The following TTC6 variants were observed in gnomAD, a reference collection of about 807,000 sequenced individuals.
TTC6 encodes tetratricopeptide repeat domain 6, also known as tetratricopeptide repeat protein 6.
TTC6 carries 172 observed loss-of-function variants against 210.4 expected under a neutral mutation model. The observed-to-expected ratio is 0.82, with a 90% CI of 0.72 to 0.93. TTC6 has a LOEUF of 0.93. Among genes scored for constraint, TTC6 ranks in the 40% least tolerant of loss-of-function variants. The probability of loss-of-function intolerance (pLI) is 0.00; values close to 1 mark genes in which losing one functional copy is unlikely to be tolerated. For synonymous variants in TTC6, 804 were observed against 819.6 expected (o/e 0.98, Z 0.32); for missense variants, 2,414 against 2,318.1 (o/e 1.04, Z -0.85).
intron 29 of TTC6, among the ~76,000 whole-genome samples, chr14:37,833,049 T>G (rs1248953583): frequency 3.5e-5 from 2 of 56,390 alleles, no homozygotes; most frequent in African/African-American, 1.4e-4. Flanking sequence ...AGAGTGAGAC[T>G]CCATCAAAAA....
At chr14:37,762,950 T>C (rs1466585123) in intron 14 of TTC6, among the ~76,000 whole-genome samples, 1 of 149,582 alleles carries the variant, frequency 6.7e-6, no homozygotes, top group East Asian at 2.0e-4. Context: ...AGTGGTGCCA[T>C]CTGGGCTCAC....
rs1355867991 is a variant in TTC6, at chr14:37,664,890, T to C, written c.940-15261T>C. Among the ~76,000 whole-genome samples, 4 of 150,644 alleles carry C rather than the reference T, an allele frequency of 2.7e-5. 1 individual carries two copies. Among genetic ancestry groups the C allele is most frequent in the African/African-American group, 7.3e-5 (3 of 41,324 alleles). On this transcript the variant is annotated intron_variant, in intron 1 of 30. Transcript: ENST00000553443. Reference sequence around the variant, plus strand: ...GACATACTTGTGGCCAGCAAACTTATGGAAAAGAGCTCAACCTTACTGATT... The same window carrying C: ...GACATACTTGTGGCCAGCAAACTTACGGAAAAGAGCTCAACCTTACTGATT...
At chr14:37,804,306 G>A (rs2096113511) in intron 20 of TTC6, among the ~76,000 whole-genome samples, 1 of 151,800 alleles carries the variant, frequency 6.6e-6, no homozygotes. Context: ...TAGCTTCCCA[G>A]TATTCCATTC....
chr14:37,613,284 AAATAT>A (rs1182075674), intron 2 of TTC6, among the ~76,000 whole-genome samples: 3 of 152,132 alleles, frequency 2.0e-5, no homozygotes, highest in Non-Finnish European at 4.4e-5. Context: ...ATTTGCAAAT[AAATAT>A]AATAAAATCA....
At chr14:37,760,872 G>C (rs1425929858) in intron 14 of TTC6, among the ~76,000 whole-genome samples, 2 of 152,172 alleles carry the variant, frequency 1.3e-5, no homozygotes, top group Admixed American at 1.3e-4. Context: ...CCTGCACCAA[G>C]TTAGATCATC....
chr14:37,842,109 T>A, intron 30 of TTC6, 46 bp from the exon 33 acceptor site: 1 of 1,438,592 alleles, frequency 7.0e-7, no homozygotes, highest in Non-Finnish European at 9.1e-7. Flanking sequence ...AGAGACTATT[T>A]TTTGAGTGCC....
intron 1 of TTC6, among the ~76,000 whole-genome samples, chr14:37,675,750 C>CTTTTTTTTTTTTTTTTTTTTT (rs11295651): frequency 7.0e-6 from 1 of 142,662 alleles, no homozygotes; most frequent in African/African-American, 2.6e-5. Flanking sequence ...TTCTTTCTTT[C>CTTTTTTTTTTTTTTTTTTTTT]TTTTTTTTTT....
chr14:37,622,221 A>G (rs1417066139), exon 1 of TTC6: 2 of 1,535,464 alleles, frequency 1.3e-6, no homozygotes, highest in African/African-American at 1.4e-5. Flanking sequence ...CCCAGTCCAC[A>G]GCCTCCATGC....
chr14:37,663,527 T>C (rs1475214120), intron 1 of TTC6, among the ~76,000 whole-genome samples: 1 of 152,140 alleles, frequency 6.6e-6, no homozygotes, highest in East Asian at 1.9e-4. Context: ...TTATCAAGAT[T>C]TGTGAGTTAA....
intron 7 of TTC6, among the ~76,000 whole-genome samples, chr14:37,731,630 T>G (rs1160238223): frequency 6.6e-6 from 1 of 152,224 alleles, no homozygotes; most frequent in Non-Finnish European, 1.5e-5. Context: ...TGAAGGATTG[T>G]TAAACATTGT....
chr14:37,791,456 G>T (rs755515489), intron 16 of TTC6, among the ~76,000 whole-genome samples: 1 of 152,104 alleles, frequency 6.6e-6, no homozygotes, highest in Non-Finnish European at 1.5e-5. Flanking sequence ...GTGTCAGAAA[G>T]AGTAACTAAT....
At chr14:37,796,991 G>A in intron 20 of TTC6, 44 bp downstream of exon 22, 1 of 1,525,154 alleles carries the variant, frequency 6.6e-7, no homozygotes, top group Non-Finnish European at 8.8e-7. Context: ...TATTAATGAA[G>A]TGTATATATT....
chr14:37,708,397 TAAC>T (rs1431038180), intron 5 of TTC6, among the ~76,000 whole-genome samples: 2 of 152,094 alleles, frequency 1.3e-5, no homozygotes, highest in Non-Finnish European at 2.9e-5. Context: ...TTTGTATTAA[TAAC>T]AACTCTATGT....
Position 37,630,573 on chromosome 14 carries a change from A to T in TTC6, c.939+7570A>T, listed in dbSNP as rs550990684. On this transcript the variant is annotated intron_variant, in intron 1 of 30. Coordinates refer to ENST00000553443, the Ensembl canonical transcript of TTC6. Reference sequence around the variant, plus strand: ...TATATAGGTTTGATTTGGGGTGGAGAGTTCTGTAGATGTCTATTGGGTTTG... The same window carrying T: ...TATATAGGTTTGATTTGGGGTGGAGTGTTCTGTAGATGTCTATTGGGTTTG... 2.0e-5 allele frequency among the ~76,000 whole-genome samples: 3 copies of T among 152,140 alleles called. No individual in the cohort carries two copies. In the South Asian group the frequency reaches 6.2e-4, roughly 32 times the overall value.
At chr14:37,627,784 A>G (rs770677522) in intron 1 of TTC6, among the ~76,000 whole-genome samples, 2 of 145,980 alleles carry the variant, frequency 1.4e-5, no homozygotes, top group Non-Finnish European at 3.1e-5. Flanking sequence ...GTGTCTTTAT[A>G]GTAGAAGGAT....
chr14:37,832,313 T>C (rs2096187246), intron 29 of TTC6, among the ~76,000 whole-genome samples: 2 of 141,096 alleles, frequency 1.4e-5, no homozygotes, highest in African/African-American at 5.1e-5. Context: ...ATTTATTATT[T>C]TCTTTTTCTT....
intron 17 of TTC6, among the ~76,000 whole-genome samples, chr14:37,793,695 A>G (rs2096085782): frequency 6.6e-6 from 1 of 152,212 alleles, no homozygotes; most frequent in African/African-American, 2.4e-5. Flanking sequence ...CTGAGCACAT[A>G]GAGAAATGGA....
chr14:37,817,215 C>A (rs2096144155), intron 25 of TTC6, among the ~76,000 whole-genome samples: 1 of 152,168 alleles, frequency 6.6e-6, no homozygotes, highest in South Asian at 2.1e-4. Context: ...AGAGAAGTCT[C>A]CAGAGGAGTT....
intron 7 of TTC6, among the ~76,000 whole-genome samples, chr14:37,735,099 A>G (rs2095898004): frequency 6.6e-6 from 1 of 152,138 alleles, no homozygotes; most frequent in Non-Finnish European, 1.5e-5. Flanking sequence ...TGCTATCACT[A>G]CTTTCTGAAA....
Sources: allele counts gnomAD v4.1 joint callset (sites outside exome capture counted in the v4.1 genomes callset), GRCh38; gene constraint gnomAD v4.1.1; transcripts MANE v1.5; gene names NCBI Gene and HGNC (gene_info 2026-07-23, HGNC 2026-07-21).